PLCXD3: variants seen among roughly 807,000 people sequenced by gnomAD.
PLCXD3 encodes phosphatidylinositol specific phospholipase C X domain containing 3, also known as PI-PLC X domain-containing protein 3.
In PLCXD3, 19 loss-of-function variants were observed where a neutral mutation model predicts 25.5. That is an observed-to-expected ratio of 0.75 (90% confidence interval 0.52 to 1.09). The LOEUF is 1.09. Ranked by LOEUF, PLCXD3 falls within the 50% of genes least tolerant of loss-of-function variation. The pLI is 0.00. For missense variants in PLCXD3, 411 were observed against 388.1 expected, an observed-to-expected ratio of 1.06 and a Z score of -0.50; for synonymous variants, 174 against 137.6, an observed-to-expected ratio of 1.26 and a Z score of -1.85.
chr5:41,504,870 G>A (rs1185371342), intron 1 of PLCXD3, among the ~76,000 whole-genome samples: 3 of 152,146 alleles, frequency 2.0e-5, no homozygotes, highest in South Asian at 2.1e-4. Context: ...TTGGAAGTTC[G>A]TTAAGGAGGT....
chr5:41,356,429 G>A (rs1301482013), intron 2 of PLCXD3, among the ~76,000 whole-genome samples: 4 of 152,146 alleles, frequency 2.6e-5, no homozygotes, highest in Non-Finnish European at 4.4e-5. Context: ...GTGACACTGG[G>A]CAAATCATTT....
chr5:41,396,048 A>G (rs981782010), intron 1 of PLCXD3, among the ~76,000 whole-genome samples: 1 of 151,982 alleles, frequency 6.6e-6, no homozygotes, highest in Admixed American at 6.6e-5. Flanking sequence ...AGTACAGGCC[A>G]ATATCTCTGA....
chr5:41,380,528 A>T (rs1745423959), intron 2 of PLCXD3, among the ~76,000 whole-genome samples: 1 of 152,070 alleles, frequency 6.6e-6, no homozygotes, highest in Non-Finnish European at 1.5e-5. Flanking sequence ...TGCTCACAGG[A>T]TGAGGTTCTC....
At chr5:41,409,436 C>A (rs1185362628) in intron 1 of PLCXD3, among the ~76,000 whole-genome samples, 3 of 152,180 alleles carry the variant, frequency 2.0e-5, no homozygotes, top group African/African-American at 7.2e-5. Context: ...TCATTGTGTG[C>A]ATGGCTAGCA....
At chr5:41,323,190 CAG>C (rs1743526896) in intron 2 of PLCXD3, among the ~76,000 whole-genome samples, 1 of 148,408 alleles carries the variant, frequency 6.7e-6, no homozygotes, top group South Asian at 2.2e-4. Context: ...CTCATGGACA[CAG>C]AGAGAAGGAT....
At chr5:41,376,801 T>C (rs1189446176) in intron 2 of PLCXD3, among the ~76,000 whole-genome samples, 2 of 152,112 alleles carry the variant, frequency 1.3e-5, no homozygotes, top group Non-Finnish European at 2.9e-5. Flanking sequence ...ATGGGAACAA[T>C]GGCAAATACC....
intron 1 of PLCXD3, among the ~76,000 whole-genome samples, chr5:41,391,043 C>A (rs1443827598): frequency 2.0e-5 from 3 of 152,192 alleles, no homozygotes; most frequent in Non-Finnish European, 4.4e-5. Flanking sequence ...GGGAGAATTG[C>A]AGATCCCAGT....
chr5:41,380,956 G>C (rs1745439897), intron 2 of PLCXD3, among the ~76,000 whole-genome samples: 1 of 152,130 alleles, frequency 6.6e-6, no homozygotes, highest in South Asian at 2.1e-4. Context: ...CTTGACCAAT[G>C]AAGTGACCAC....
chr5:41,478,048 A>G (rs1365365860), intron 1 of PLCXD3, among the ~76,000 whole-genome samples: 1 of 152,228 alleles, frequency 6.6e-6, no homozygotes, highest in Non-Finnish European at 1.5e-5. Context: ...GACAAAGTAT[A>G]GCAATGGCTA....
chr5:41,475,680 CA>C (rs1748267849), intron 1 of PLCXD3: 1 of 534,810 alleles, frequency 1.9e-6, no homozygotes. Context: ...CTGTCTGCCA[CA>C]AGTACTATTT....
intron 1 of PLCXD3, among the ~76,000 whole-genome samples, chr5:41,505,176 C>T (rs963589207): frequency 1.3e-5 from 2 of 151,982 alleles, no homozygotes; most frequent in African/African-American, 4.8e-5. Context: ...AACGTATGAA[C>T]ATTGTGGTAT....
intron 2 of PLCXD3, among the ~76,000 whole-genome samples, chr5:41,346,212 C>A (rs60917374): frequency 0.27 from 41,821 of 152,154 alleles, 6,714 homozygotes; most frequent in African/African-American, 0.44. Context: ...GAAAACTTAC[C>A]CAGAAAGTAC....
At chr5:41,434,950 T>G (rs1192858562) in intron 1 of PLCXD3, among the ~76,000 whole-genome samples, 1 of 152,172 alleles carries the variant, frequency 6.6e-6, no homozygotes, top group Non-Finnish European at 1.5e-5. Context: ...TCTCCTTAAT[T>G]TTAATGCTAG....
chr5:41,459,128 T>A (rs1221723050), intron 1 of PLCXD3, among the ~76,000 whole-genome samples: 1 of 151,902 alleles, frequency 6.6e-6, no homozygotes, highest in Non-Finnish European at 1.5e-5. Context: ...GAGTTATCGA[T>A]CAAAGAATCC....
rs1369993825 is a variant in PLCXD3 at position 41,311,397 on chromosome 5, TG to T, written c.*2219del. ...GAATTCTTTTACAAAAATACTTTGA[TG>T]TGATCATCTACTCTACTTTCAAAGG... On this transcript the variant is annotated 3_prime_UTR_variant, in exon 3 of 3. Transcript: ENST00000377801. 3.3e-5 allele frequency: 5 copies of T among 152,194 alleles called. No individual in the cohort carries two copies. Among genetic ancestry groups the T allele is most frequent in the African/African-American group, 1.2e-4 (5 of 41,460 alleles). 9.4% of individuals were successfully genotyped at this position (152,194 alleles called of 1,614,324 possible).
At chr5:41,494,622 G>T (rs1035575448) in intron 1 of PLCXD3, among the ~76,000 whole-genome samples, 3 of 152,174 alleles carry the variant, frequency 2.0e-5, no homozygotes, top group Non-Finnish European at 2.9e-5. Context: ...CACTATTTGG[G>T]TCATGTTAAG....
chr5:41,465,075 A>G (rs1747981971), intron 1 of PLCXD3, among the ~76,000 whole-genome samples: 1 of 152,040 alleles, frequency 6.6e-6, no homozygotes. Context: ...TCTTTTAAAA[A>G]TTATTAAAAG....
chr5:41,446,012 C>T (rs1048792737), intron 1 of PLCXD3, among the ~76,000 whole-genome samples: 1 of 150,812 alleles, frequency 6.6e-6, no homozygotes, highest in Admixed American at 6.6e-5. Flanking sequence ...ATGGTGAAAC[C>T]CCGTGTCTAC....
intron 1 of PLCXD3, among the ~76,000 whole-genome samples, chr5:41,416,727 G>A (rs1033269197): frequency 2.6e-5 from 4 of 152,198 alleles, no homozygotes; most frequent in African/African-American, 9.6e-5. Flanking sequence ...AGATGTGGCA[G>A]GTTGAGAACA....
Sources: gnomAD v4.1 joint callset for allele counts (sites outside exome capture counted in the v4.1 genomes callset) on GRCh38, gnomAD v4.1.1 for gene constraint, MANE v1.5 for transcripts, NCBI Gene and HGNC (gene_info 2026-07-23, HGNC 2026-07-21) for gene names.